The following MAT1A variants were observed in gnomAD, a reference collection of about 807,000 sequenced individuals.
MAT1A encodes the protein S-adenosylmethionine synthase isoform type-1.
A neutral mutation model predicts 44.0 loss-of-function variants in MAT1A; 19 were observed. The ratio of observed to expected loss-of-function variants is 0.43; its 90% CI spans 0.30 to 0.63. The LOEUF is 0.63. MAT1A is among the 30% of genes least tolerant of loss of function. The pLI, the probability that MAT1A is intolerant of heterozygous loss-of-function variation, is 0.12. For synonymous variants in MAT1A, 205 were observed against 205.6 expected, an observed-to-expected ratio of 1.00 and a Z score of 0.03; for missense variants, 397 against 531.0, an observed-to-expected ratio of 0.75 and a Z score of 2.48.
chr10:80,281,261 C>A (rs1841562881), intron 3 of MAT1A, among the ~76,000 whole-genome samples: 2 of 152,152 alleles, frequency 1.3e-5, no homozygotes, highest in Admixed American at 1.3e-4. Context: ...ATGCCTGACA[C>A]AACTATTAAA....
intron 3 of MAT1A, among the ~76,000 whole-genome samples, chr10:80,283,236 C>T (rs1254292924): frequency 6.6e-6 from 1 of 152,240 alleles, no homozygotes; most frequent in African/African-American, 2.4e-5. Context: ...GGGTCCTTTG[C>T]TGCCCTCCAG....
intron 5 of MAT1A, 149 bp downstream of exon 5, chr10:80,280,024 C>A: frequency 2.1e-6 from 2 of 952,988 alleles, no homozygotes; most frequent in Admixed American, 2.3e-5. Context: ...GAAGATTTTT[C>A]ACATAAATAG....
chr10:80,280,797 G>A lies in MAT1A; in HGVS notation c.293-5C>T. On this transcript the variant is annotated splice_polypyrimidine_tract_variant and splice_region_variant and intron_variant, in intron 3 of 8. Transcript: ENST00000372213. ...TGCAAGTCTTGAAGTCAAAGCCTAG[G>A]CGGAAGCAAAGTGAGCCTAAGTGGG... The A allele has an allele frequency of 6.2e-7, 1 of 1,612,204 alleles. No individual in the cohort carries two copies. Among genetic ancestry groups the A allele is most frequent in the South Asian group, 1.1e-5 (1 of 91,052 alleles).
rs1841417123 is a variant in MAT1A at position 80,272,093 on chromosome 10, G to C, written c.*1688C>G. The C allele has an allele frequency of 6.6e-6, 1 of 152,182 alleles. No homozygotes were observed. Among genetic ancestry groups the C allele is most frequent in the African/African-American group, 2.4e-5 (1 of 41,430 alleles). The allele number at this position is 152,182 out of a possible 1,614,324, so 9.4% of individuals were successfully genotyped here. On this transcript the variant is annotated 3_prime_UTR_variant, in exon 9 of 9. Transcript: ENST00000372213. ...TGCCTTAATTTCCTTTCACCTGAGAGAAAATGAAAGCCAGGGTCTTTGTGC... is the reference window on the plus strand; with the variant it reads ...TGCCTTAATTTCCTTTCACCTGAGACAAAATGAAAGCCAGGGTCTTTGTGC...
At chr10:80,284,852 G>A (rs1841621508) in intron 2 of MAT1A, among the ~76,000 whole-genome samples, 1 of 152,210 alleles carries the variant, frequency 6.6e-6, no homozygotes, top group Non-Finnish European at 1.5e-5. Flanking sequence ...CACAAATAAA[G>A]GTGAAGATCT....
Position 80,284,057 on chromosome 10 carries a change from C to T in MAT1A, c.170-19G>A, listed in dbSNP as rs780246320. 6.8e-6 allele frequency: 11 copies of T among 1,613,050 alleles called. No homozygotes were observed. Among genetic ancestry groups the T allele is most frequent in the East Asian group, 2.2e-5 (1 of 44,876 alleles). ...ACTGTCTCTGAAAGGGAGCGGGGAG[C>T]GAGGAGAGTTAGCAGCCAAGTGCCA... is the stretch of plus-strand genomic sequence containing the variant. On this transcript the variant is annotated intron_variant, in intron 2 of 8. Coordinates refer to ENST00000372213, the MANE Select transcript of MAT1A (RefSeq NM_000429.3).
In MAT1A at chr10:80,276,502, C is replaced by T. The variant is rs539772339; in HGVS notation, c.642G>A (p.Thr214=). Residue 214 remains threonine, a synonymous_variant, in exon 6 of 9, where the codon ACG becomes ACA. Transcript: ENST00000372213. ...VISVQHNEDI[T]LEEMRRALKE... The stretch of plus-strand genomic sequence containing the variant: ...TCAGGGCCCTGCGCATCTCCTCCAG[C>T]GTGATGTCTTCGTTGTGCTGCACAG... The T allele has an allele frequency of 7.4e-6, 12 of 1,614,020 alleles. No individual in the cohort carries two copies. The highest frequency in any genetic ancestry group is 5.0e-5 in the Admixed American group (3 of 60,010).
At chr10:80,280,006 C>G (rs1350434604) in intron 5 of MAT1A, among the ~76,000 whole-genome samples, 167 bp downstream of exon 5, 1 of 152,170 alleles carries the variant, frequency 6.6e-6, no homozygotes, top group Non-Finnish European at 1.5e-5. Flanking sequence ...TGGGAAGCAT[C>G]TCTAGCTGAA....
At chr10:80,278,763 C>T (rs893799774) in intron 5 of MAT1A, among the ~76,000 whole-genome samples, 1 of 152,244 alleles carries the variant, frequency 6.6e-6, no homozygotes, top group African/African-American at 2.4e-5. Context: ...CTCTGTACAA[C>T]TGGAGTTGTA....
chr10:80,276,724 G>T, intron 5 of MAT1A, 130 bp from the exon 6 acceptor site: 1 of 842,148 alleles, frequency 1.2e-6, no homozygotes, highest in Non-Finnish European at 2.0e-6. Flanking sequence ...TGTCTTCAAA[G>T]GGTGTTGGGG....
chr10:80,289,055 T>C (rs1841685915), intron 1 of MAT1A, among the ~76,000 whole-genome samples: 2 of 152,228 alleles, frequency 1.3e-5, no homozygotes, highest in Admixed American at 6.5e-5. Flanking sequence ...ATAGGAGGAA[T>C]GAGCTCTGGC....
chr10:80,275,034 G>A lies in MAT1A; in HGVS notation c.934C>T (p.Arg312Trp), dbSNP rs765196481. The change falls in exon 7 of 9, where the codon CGG (arginine) becomes TGG (tryptophan). Residue 312 changes from arginine to tryptophan, a missense_variant. Arg to Trp is a moderately radical substitution (Grantham distance 101). Transcript: ENST00000372213. ...GGGCTTACCTGGACAAGCACTCTCC[G>A]GCAGAGCCCTGCTTTCACCAGAGAC... ...AKSLVKAGLC[R>W]RVLVQVSYAI... 1.6e-5 allele frequency: 25 copies of A among 1,555,256 alleles called. No homozygotes were observed. Among genetic ancestry groups the A allele is most frequent in the Non-Finnish European group, 2.0e-5 (23 of 1,150,122 alleles).
chr10:80,274,253 T>C (rs1284672779), intron 8 of MAT1A, among the ~76,000 whole-genome samples: 1 of 152,206 alleles, frequency 6.6e-6, no homozygotes, highest in Non-Finnish European at 1.5e-5. Context: ...ATTATTTTCC[T>C]AAGATCCCCG....
chr10:80,285,387 T>C, intron 2 of MAT1A, 125 bp downstream of exon 2: 2 of 779,810 alleles, frequency 2.6e-6, no homozygotes, highest in Non-Finnish European at 4.7e-6. Flanking sequence ...TTGAGAAATC[T>C]ACTGCAGAGC....
rs1301438208 is a variant in MAT1A, at chr10:80,274,619, G to C, written c.986C>G (p.Ser329Cys). ...SYAIGVAEPL[S>C]ISIFTYGTSQ... The stretch of plus-strand genomic sequence containing the variant: ...GGTTCCGTAGGTGAAGATGGAAATG[G>C]ACAGCGGCTCGGCCACACCAATGGC... Residue 329 changes from serine to cysteine, a missense_variant, in exon 8 of 9, where the codon TCC becomes TGC. Ser to Cys is a moderately radical substitution (Grantham distance 112). Coordinates refer to ENST00000372213, the MANE Select transcript of MAT1A (RefSeq NM_000429.3). 14 of 1,614,094 alleles carry C rather than the reference G, an allele frequency of 8.7e-6. No homozygotes were observed. The highest frequency in any genetic ancestry group is 1.2e-5 in the Non-Finnish European group (14 of 1,180,040).
intron 5 of MAT1A, among the ~76,000 whole-genome samples, chr10:80,277,249 G>A (rs1338079904): frequency 6.6e-6 from 1 of 152,138 alleles, no homozygotes; most frequent in Non-Finnish European, 1.5e-5. Context: ...GCCCTGGGAG[G>A]GACACTGGCC....
chr10:80,280,340 C>A (rs200582092), intron 4 of MAT1A, 24 bp from the exon 5 acceptor site: 5 of 1,612,956 alleles, frequency 3.1e-6, no homozygotes, highest in Non-Finnish European at 4.2e-6. Context: ...GCAGGCTGAG[C>A]GGCGCCCACC....
chr10:80,278,676 C>A (rs1168372424), intron 5 of MAT1A, among the ~76,000 whole-genome samples: 2 of 152,238 alleles, frequency 1.3e-5, no homozygotes, highest in African/African-American at 2.4e-5. Flanking sequence ...CATAAGCACA[C>A]TTCCCTGCCC....
intron 1 of MAT1A, among the ~76,000 whole-genome samples, chr10:80,287,926 G>A (rs1396007696): frequency 6.6e-6 from 1 of 152,186 alleles, no homozygotes; most frequent in East Asian, 1.9e-4. Flanking sequence ...AGGATGCTTA[G>A]CAGTGTGCCT....
Sources: allele counts gnomAD v4.1 joint callset (sites outside exome capture counted in the v4.1 genomes callset), GRCh38; gene constraint gnomAD v4.1.1; transcripts MANE v1.5; gene names NCBI Gene and HGNC (gene_info 2026-07-23, HGNC 2026-07-21).